Variants in CSRP1 observed in about 807,000 individuals in gnomAD.
CSRP1 encodes cysteine and glycine-rich protein 1.
CSRP1 carries 16 observed loss-of-function variants against 25.4 expected under a neutral mutation model. That is an observed-to-expected ratio of 0.63 (90% CI 0.43 to 0.96). CSRP1 has a LOEUF of 0.96. CSRP1 is among the 40% of genes least tolerant of loss of function. The probability of loss-of-function intolerance (pLI) is 0.00; values close to 1 mark genes in which losing one functional copy is unlikely to be tolerated. For synonymous variants in CSRP1, 97 were observed against 95.3 expected, an observed-to-expected ratio of 1.02 and a Z score of -0.10; for missense variants, 212 against 243.6, an observed-to-expected ratio of 0.87 and a Z score of 0.86.
At chr1:201,490,105 T>C (rs1026917622) in intron 3 of CSRP1, 71 bp downstream of exon 3, 3 of 1,482,568 alleles carry the variant, frequency 2.0e-6, no homozygotes, top group African/African-American at 1.4e-5. Context: ...TGGTTGTAAA[T>C]ACACATGAGG....
In CSRP1 at chr1:201,488,862, G is replaced by A; in HGVS notation, c.404C>T (p.Ala135Val). The change falls in exon 4 of 6, where the codon GCT (alanine) becomes GTT (valine). Residue 135 changes from alanine to valine, a missense_variant. Ala to Val is a moderately conservative substitution (Grantham distance 64, BLOSUM62 0). Transcript: ENST00000340006. ...AVYAAEKVIG[A>V]GKSWHKACFR... ...GCCCAGCAGCCACCTTACCTTCCCA[G>A]CACCAATCACCTTCTCCGCAGCATA... 1.9e-6 allele frequency: 3 copies of A among 1,613,924 alleles called. No individual in the cohort carries two copies. Among genetic ancestry groups the A allele is most frequent in the Non-Finnish European group, 2.5e-6 (3 of 1,179,878 alleles).
At chr1:201,485,615 G>A (rs1664110603) in intron 4 of CSRP1, 1 of 522,718 alleles carries the variant, frequency 1.9e-6, no homozygotes, top group Non-Finnish European at 3.5e-6. Context: ...GATGATTAGG[G>A]TCACCAGCTA....
intron 1 of CSRP1, among the ~76,000 whole-genome samples, chr1:201,497,677 A>T (rs1427322422): frequency 6.6e-6 from 1 of 152,160 alleles, no homozygotes; most frequent in Non-Finnish European, 1.5e-5. Flanking sequence ...ACCTTGGGCA[A>T]GATAGTCAGT....
At chr1:201,504,485 CTT>C (rs899520087) in intron 1 of CSRP1, among the ~76,000 whole-genome samples, 4 of 152,208 alleles carry the variant, frequency 2.6e-5, no homozygotes, top group African/African-American at 7.2e-5. Context: ...AGGAAAAAGT[CTT>C]ATTCTCACTA....
intron 3 of CSRP1, chr1:201,489,816 G>C (rs1002973746): frequency 5.7e-6 from 1 of 176,802 alleles, no homozygotes; most frequent in Non-Finnish European, 1.2e-5. Context: ...GCTGCAGTGA[G>C]CCAAGATTGT....
chr1:201,496,680 G>A (rs1275785646), intron 1 of CSRP1: 4 of 226,720 alleles, frequency 1.8e-5, no homozygotes, highest in Admixed American at 1.6e-4. Flanking sequence ...AAGAGAATGT[G>A]GAAGAAGCAG....
intron 1 of CSRP1, among the ~76,000 whole-genome samples, chr1:201,498,009 CA>C (rs528333486): frequency 1.4e-3 from 185 of 131,602 alleles, no homozygotes; most frequent in Admixed American, 2.1e-3. Context: ...GACTCCGTCT[CA>C]AAAAAAAAAA....
At chr1:201,504,431 A>G (rs1664758498) in intron 1 of CSRP1, among the ~76,000 whole-genome samples, 2 of 152,250 alleles carry the variant, frequency 1.3e-5, no homozygotes, top group Non-Finnish European at 2.9e-5. Context: ...ATCTCTTTTG[A>G]TATTTGACAA....
intron 4 of CSRP1, 153 bp from the exon 5 acceptor site, chr1:201,485,529 T>C: frequency 1.5e-6 from 1 of 656,790 alleles, no homozygotes; most frequent in Non-Finnish European, 2.7e-6. Flanking sequence ...TGGCCTATGG[T>C]GCAAGGCAGT....
chr1:201,485,506 T>C, intron 4 of CSRP1, 130 bp from the exon 5 acceptor site: 1 of 778,224 alleles, frequency 1.3e-6, no homozygotes. Context: ...CAGCTGGTGC[T>C]GCTGGGAGGA....
chr1:201,484,967 G>T (rs1363677769), intron 5 of CSRP1, among the ~76,000 whole-genome samples, 178 bp from the exon 6 acceptor site: 1 of 152,036 alleles, frequency 6.6e-6, no homozygotes, highest in African/African-American at 2.4e-5. Flanking sequence ...TAGCGAAGAG[G>T]CTCTTGGTTG....
chr1:201,499,756 T>C (rs1664611323), intron 1 of CSRP1, among the ~76,000 whole-genome samples: 1 of 152,128 alleles, frequency 6.6e-6, no homozygotes, highest in African/African-American at 2.4e-5. Flanking sequence ...GCTGGGATTA[T>C]AGGCGCCCGC....
chr1:201,501,943 G>A (rs538120968), intron 1 of CSRP1, among the ~76,000 whole-genome samples: 1 of 152,022 alleles, frequency 6.6e-6, no homozygotes, highest in South Asian at 2.1e-4. Flanking sequence ...AGTGAGCAGC[G>A]ATCTTGCCAC....
At chr1:201,493,868 C>T (rs1464980836) in intron 2 of CSRP1, among the ~76,000 whole-genome samples, 7 of 152,182 alleles carry the variant, frequency 4.6e-5, no homozygotes, top group Non-Finnish European at 7.3e-5. Context: ...AAATGATGTG[C>T]CTTCCATTCA....
rs1264411144 is a variant in CSRP1, at chr1:201,496,269, A to C, written c.35T>G (p.Val12Gly). The change falls in exon 2 of 6, where the codon GTG becomes GGG. Residue 12 changes from valine to glycine, a missense_variant. Physicochemically the swap from Val to Gly is moderately radical, Grantham distance 109. Coordinates refer to ENST00000340006, the MANE Select transcript of CSRP1 (RefSeq NM_004078.3). ...GGCAAAGTAAACCGTCTTCTGACAC[A>C]CCCCACATTTCTTGCCTCCTCCCCA... ...PNWGGGKKCG[V>G]CQKTVYFAEE... The C allele has an allele frequency of 6.2e-7, 1 of 1,614,138 alleles. No individual in the cohort carries two copies. Among genetic ancestry groups the C allele is most frequent in the Admixed American group, 1.7e-5 (1 of 60,032 alleles).
At chr1:201,500,099 C>A (rs1350458754) in intron 1 of CSRP1, among the ~76,000 whole-genome samples, 1 of 152,218 alleles carries the variant, frequency 6.6e-6, no homozygotes, top group Non-Finnish European at 1.5e-5. Flanking sequence ...GTCCCAGTCA[C>A]CATGCTGTGG....
chr1:201,486,252 C>A (rs748471104), intron 4 of CSRP1: 1 of 748,112 alleles, frequency 1.3e-6, no homozygotes, highest in Non-Finnish European at 1.6e-6. Context: ...CGAGTTTGTA[C>A]ACAGTGATGG....
At chr1:201,488,748 G>T (rs1664229602) in intron 4 of CSRP1, 107 bp downstream of exon 4, 3 of 1,371,756 alleles carry the variant, frequency 2.2e-6, no homozygotes, top group Admixed American at 3.8e-5. Context: ...AAACCCCAGT[G>T]CTCAGGCTGC....
At chr1:201,486,344 G>C in intron 4 of CSRP1, 1 of 985,516 alleles carries the variant, frequency 1.0e-6, no homozygotes, top group Non-Finnish European at 1.2e-6. Context: ...AGACAGCTCT[G>C]CTTAACCCAG....
Sources: allele counts gnomAD v4.1 joint callset (sites outside exome capture counted in the v4.1 genomes callset), GRCh38; gene constraint gnomAD v4.1.1; transcripts MANE v1.5; gene names NCBI Gene and HGNC (gene_info 2026-07-23, HGNC 2026-07-21).